The following RASL12 variants were observed in gnomAD, a reference collection of about 807,000 sequenced individuals.
The protein encoded by RASL12 is ras-like protein family member 12.
A neutral mutation model predicts 22.9 loss-of-function variants in RASL12; 16 were observed. The observed-to-expected ratio is 0.70, with a 90% CI of 0.47 to 1.06. The LOEUF is 1.06. Ranked by LOEUF, RASL12 falls within the 50% of genes least tolerant of loss-of-function variation. The probability of loss-of-function intolerance (pLI) is 0.00; values close to 1 mark genes in which losing one functional copy is unlikely to be tolerated. For missense variants in RASL12, 306 were observed against 353.1 expected, an observed-to-expected ratio of 0.87 and a Z score of 1.07; for synonymous variants, 159 against 152.2, an observed-to-expected ratio of 1.04 and a Z score of -0.33.
At chr15:65,045,969 C>T in the RASL12 span, among the ~76,000 whole-genome samples, 1 of 152,166 alleles carries the variant, frequency 6.6e-6, no homozygotes, top group Non-Finnish European at 1.5e-5. Context: ...AGTTCGAGAC[C>T]ACCCCGGCTA....
chr15:65,055,049 G>T lies in RASL12; in HGVS notation c.651C>A (p.Ala217=). 1.2e-6 allele frequency: 2 copies of T among 1,613,654 alleles called. No individual in the cohort carries two copies. Among genetic ancestry groups the T allele is most frequent in the Non-Finnish European group, 1.7e-6 (2 of 1,179,858 alleles). ...TGGAGAGCGTGTTGAAGGTGCAGCT[G>T]GCCAGCCCATGCCGCGCGGTGAGCG... ...QAPLTARHGL[A]SCTFNTLSTI... is the part of the protein sequence containing the mutation. The change falls in exon 5 of 5, where the codon GCC becomes GCA. Residue 217 remains alanine, a synonymous_variant. Coordinates refer to ENST00000220062, the MANE Select transcript of RASL12 (RefSeq NM_016563.4).
intron 2 of RASL12, among the ~76,000 whole-genome samples, chr15:65,061,563 C>T (rs1403066753): frequency 6.6e-6 from 1 of 152,198 alleles, no homozygotes; most frequent in Non-Finnish European, 1.5e-5. Flanking sequence ...TCAGAGTACT[C>T]TGGTGTCCTT....
At chr15:65,076,192 C>T (rs186120653) in intron 1 of RASL12, among the ~76,000 whole-genome samples, 1 of 152,332 alleles carries the variant, frequency 6.6e-6, no homozygotes, top group Non-Finnish European at 1.5e-5. Context: ...CCGCTCATAT[C>T]CCCTTCCACA....
intron 1 of RASL12, among the ~76,000 whole-genome samples, chr15:65,075,419 G>A (rs1233329329): frequency 1.3e-5 from 2 of 152,256 alleles, no homozygotes; most frequent in African/African-American, 4.8e-5. Flanking sequence ...AGCGCATGGT[G>A]CAGGACTGGC....
intron 1 of RASL12, among the ~76,000 whole-genome samples, chr15:65,075,655 G>C (rs750983479): frequency 9.9e-5 from 15 of 152,046 alleles, no homozygotes; most frequent in Non-Finnish European, 1.9e-4. Flanking sequence ...TAGCTGCTCT[G>C]GTGGGGCCCT....
At chr15:65,062,308 G>A (rs1344940147) in intron 2 of RASL12, among the ~76,000 whole-genome samples, 1 of 152,084 alleles carries the variant, frequency 6.6e-6, no homozygotes, top group African/African-American at 2.4e-5. Context: ...CCCAGAAAAC[G>A]GTGCAACTCT....
At chr15:65,068,002 G>A (rs550301711), upstream of RASL12, 74 of 1,150,624 alleles carry the variant, frequency 6.4e-5, no homozygotes, top group Middle Eastern at 7.1e-4. The surrounding 1 kb of genome is among the most constrained non-coding windows in gnomAD (Gnocchi z 4.2). Flanking sequence ...GCCACCCCGC[G>A]GGGAGGAGGG....
At chr15:65,061,897 A>C (rs1043030163) in intron 2 of RASL12, among the ~76,000 whole-genome samples, 1 of 151,988 alleles carries the variant, frequency 6.6e-6, no homozygotes, top group Non-Finnish European at 1.5e-5. Context: ...AAAATACAAA[A>C]AAATTAGCCG....
chr15:65,075,487 C>T (rs1439301922), intron 1 of RASL12, among the ~76,000 whole-genome samples: 1 of 152,240 alleles, frequency 6.6e-6, no homozygotes, highest in Non-Finnish European at 1.5e-5. Context: ...AGCTGGGCTC[C>T]TGAGTCTGGT....
At chr15:65,049,242 C>G (rs1190580417), downstream of RASL12, 1 of 151,018 alleles carries the variant, frequency 6.6e-6, no homozygotes, top group Admixed American at 6.6e-5. Flanking sequence ...GGAAATAGGC[C>G]TACACGAAGT....
At chr15:65,047,451 C>T in the RASL12 span, among the ~76,000 whole-genome samples, 3 of 152,012 alleles carry the variant, frequency 2.0e-5, no homozygotes, top group Non-Finnish European at 4.4e-5. Flanking sequence ...GCATAAGAAA[C>T]CACACAATAC....
chr15:65,055,388 C>G (rs748932053), intron 4 of RASL12, 114 bp from the exon 5 acceptor site: 21 of 873,078 alleles, frequency 2.4e-5, no homozygotes, highest in Non-Finnish European at 3.2e-5. Context: ...GGGTCATCTT[C>G]ACCTCTCTGA....
At position 65,054,593 on chromosome 15, in the gene RASL12, C is replaced by T; in HGVS notation, c.*306G>A. 8.4e-7 allele frequency: 1 copy of T among 1,184,340 alleles called. No homozygotes were observed. The highest frequency in any genetic ancestry group is 1.0e-6 in the Non-Finnish European group (1 of 952,500). 73.4% of individuals were successfully genotyped at this position (1,184,340 alleles called of 1,614,324 possible). A position where few individuals can be genotyped will look rare whatever the true frequency, so the allele number is the denominator to read the frequency against. ...CTGGAGCAGGAAGGGCTGATGGCAG[C>T]AGGATAGACACTGCAATTTCTTCCT... is the stretch of plus-strand genomic sequence containing the variant. On this transcript the variant is annotated 3_prime_UTR_variant, in exon 5 of 5. Coordinates refer to ENST00000220062, the MANE Select transcript of RASL12 (RefSeq NM_016563.4).
intron 2 of RASL12, among the ~76,000 whole-genome samples, chr15:65,064,619 CAG>C (rs1050805232): frequency 4.0e-5 from 6 of 150,128 alleles, no homozygotes; most frequent in Non-Finnish European, 5.9e-5. Context: ...TTTTTTTAGA[CAG>C]AGTTTCCCTC....
downstream of RASL12, among the ~76,000 whole-genome samples, chr15:65,050,788 T>C (rs1229321613): frequency 6.6e-6 from 1 of 151,654 alleles, no homozygotes; most frequent in Non-Finnish European, 1.5e-5. Flanking sequence ...CCTTCCACCC[T>C]TCTCCCTGCC....
chr15:65,048,846 T>C (rs2086609252), downstream of RASL12, among the ~76,000 whole-genome samples: 1 of 152,014 alleles, frequency 6.6e-6, no homozygotes, highest in Non-Finnish European at 1.5e-5. Context: ...CCATCTCTAC[T>C]AAAAATACAA....
chr15:65,050,394 C>CA (rs1190350726), downstream of RASL12, among the ~76,000 whole-genome samples: 5 of 152,242 alleles, frequency 3.3e-5, no homozygotes, highest in African/African-American at 7.2e-5. Context: ...GAATAAAACA[C>CA]AAAAATCTCT....
rs770428669 is a variant in RASL12, at chr15:65,054,872, G to C, written c.*27C>G. ...CCTGCTGCAGTCCTGTCCAGCCACC[G>C]AGCCTAGGCTTCCTGGGGAGGGGGC... On this transcript the variant is annotated 3_prime_UTR_variant, in exon 5 of 5. Coordinates refer to ENST00000220062, the MANE Select transcript of RASL12 (RefSeq NM_016563.4). 11 of 1,590,164 alleles carry C rather than the reference G, an allele frequency of 6.9e-6. No homozygotes were observed. Among genetic ancestry groups the C allele is most frequent in the Non-Finnish European group, 7.7e-6 (9 of 1,166,098 alleles).
At chr15:65,050,833 C>CTTTTTTTTTTTTTTTTTTTTTT (rs67418433), downstream of RASL12, among the ~76,000 whole-genome samples, 44 of 88,598 alleles carry the variant, frequency 5.0e-4, no homozygotes, top group Non-Finnish European at 6.9e-4. Flanking sequence ...TCTTCTTCTT[C>CTTTTTTTTTTTTTTTTTTTTTT]TTCTTTTTTT....
Sources: allele counts gnomAD v4.1 joint callset (sites outside exome capture counted in the v4.1 genomes callset), GRCh38; gene constraint gnomAD v4.1.1; non-coding constraint Gnocchi (gnomAD v3.1); transcripts MANE v1.5; gene names NCBI Gene and HGNC (gene_info 2026-07-23, HGNC 2026-07-21).